The following TMEM117 variants were observed in gnomAD, a reference collection of about 807,000 sequenced individuals.
The protein encoded by TMEM117 is transmembrane protein 117.
A neutral mutation model predicts 52.4 loss-of-function variants in TMEM117; 27 were observed. That is an observed-to-expected ratio of 0.51 (90% CI 0.38 to 0.71). The LOEUF is 0.71. Ranked by LOEUF, TMEM117 falls within the 30% of genes least tolerant of loss-of-function variation. The pLI, the probability that TMEM117 is intolerant of heterozygous loss-of-function variation, is 0.00. For synonymous variants in TMEM117, 215 were observed against 206.3 expected, an observed-to-expected ratio of 1.04 and a Z score of -0.36; for missense variants, 556 against 630.5, an observed-to-expected ratio of 0.88 and a Z score of 1.26.
At chr12:44,167,984 G>A (rs892935631) in intron 4 of TMEM117, among the ~76,000 whole-genome samples, 24 of 152,072 alleles carry the variant, frequency 1.6e-4, no homozygotes, top group African/African-American at 5.6e-4. Flanking sequence ...GGCCAGGCGC[G>A]GTGGCTCACG....
chr12:43,918,824 T>C lies in TMEM117; in HGVS notation c.278-25386T>C, dbSNP rs142678541. On this transcript the variant is annotated intron_variant, in intron 2 of 7. Transcript: ENST00000266534. ...CTGAAAATACTTTCTTCAGTCTCAA[T>C]TGACCATCACATACCAAATCCACTT... Among the ~76,000 whole-genome samples, 208 of 152,354 alleles carry C rather than the reference T, an allele frequency of 1.4e-3. 2 individuals are homozygous for C. Among genetic ancestry groups the C allele is most frequent in the African/African-American group, 4.8e-3 (200 of 41,580 alleles).
intron 5 of TMEM117, among the ~76,000 whole-genome samples, chr12:44,215,324 A>G (rs1592613021): frequency 1.3e-5 from 2 of 152,134 alleles, no homozygotes; most frequent in African/African-American, 4.8e-5. Flanking sequence ...AATGGTTCCT[A>G]TTTCTTTCTG....
At chr12:43,923,718 G>C (rs1944731690) in intron 2 of TMEM117, among the ~76,000 whole-genome samples, 1 of 152,084 alleles carries the variant, frequency 6.6e-6, no homozygotes, top group Non-Finnish European at 1.5e-5. Context: ...TTTCAAGTTA[G>C]TGTACAATAA....
chr12:44,300,884 C>T (rs1950831012), intron 6 of TMEM117, among the ~76,000 whole-genome samples: 1 of 152,164 alleles, frequency 6.6e-6, no homozygotes, highest in Admixed American at 6.5e-5. Context: ...GGTTCTAGAT[C>T]TGCCTGTCAC....
intron 3 of TMEM117, among the ~76,000 whole-genome samples, chr12:44,059,080 G>A (rs999330846): frequency 6.6e-6 from 1 of 152,110 alleles, no homozygotes; most frequent in African/African-American, 2.4e-5. Flanking sequence ...TCACAATGGG[G>A]TTCATGCTCC....
chr12:43,976,635 T>C (rs7302394), intron 3 of TMEM117, among the ~76,000 whole-genome samples: 148,468 of 152,248 alleles, frequency 0.98, 72,448 homozygotes, highest in East Asian at 1. Flanking sequence ...GAACAGCTGC[T>C]TTCAGCTCAT....
At chr12:44,309,887 A>G (rs897418582) in intron 6 of TMEM117, among the ~76,000 whole-genome samples, 2 of 152,180 alleles carry the variant, frequency 1.3e-5, no homozygotes, top group Non-Finnish European at 2.9e-5. Flanking sequence ...ACAAAGTTGA[A>G]AACAAAGCAC....
chr12:44,012,655 A>T (rs1049882409), intron 3 of TMEM117, among the ~76,000 whole-genome samples: 7 of 152,036 alleles, frequency 4.6e-5, no homozygotes, highest in African/African-American at 1.2e-4. Flanking sequence ...TGTAGCATTT[A>T]AAAAAAATCC....
chr12:44,026,314 T>C (rs1391866622), intron 3 of TMEM117, among the ~76,000 whole-genome samples: 1 of 152,216 alleles, frequency 6.6e-6, no homozygotes, highest in African/African-American at 2.4e-5. Flanking sequence ...GCCACATTTT[T>C]TTCTGTCTTT....
chr12:43,856,607 C>G (rs191994249), intron 2 of TMEM117, among the ~76,000 whole-genome samples: 99 of 152,236 alleles, frequency 6.5e-4, no homozygotes, highest in African/African-American at 2.2e-3. Context: ...TAAATGAAAA[C>G]ATACAGTATA....
At chr12:44,396,246 C>T in the TMEM117 span, among the ~76,000 whole-genome samples, 45 of 152,106 alleles carry the variant, frequency 3.0e-4, no homozygotes, top group East Asian at 5.8e-4. Context: ...GTTTGGAATC[C>T]GCTTTTCCAC....
intron 4 of TMEM117, among the ~76,000 whole-genome samples, chr12:44,203,742 A>G (rs747263466): frequency 3.9e-5 from 6 of 152,150 alleles, no homozygotes; most frequent in Non-Finnish European, 5.9e-5. Flanking sequence ...TTTAAGTTTC[A>G]TTTAATTGTA....
chr12:44,325,542 T>C (rs1951183903), intron 6 of TMEM117, among the ~76,000 whole-genome samples: 1 of 150,700 alleles, frequency 6.6e-6, no homozygotes, highest in Non-Finnish European at 1.5e-5. Context: ...ATTCTTTTTG[T>C]GAATTGGTTG....
At chr12:44,090,539 C>A (rs1433629118) in intron 3 of TMEM117, among the ~76,000 whole-genome samples, 1 of 151,876 alleles carries the variant, frequency 6.6e-6, no homozygotes, top group East Asian at 1.9e-4. Context: ...CGGGCTCAGG[C>A]AGTTCTACTG....
At chr12:43,909,719 T>C (rs1944461147) in intron 2 of TMEM117, among the ~76,000 whole-genome samples, 1 of 151,508 alleles carries the variant, frequency 6.6e-6, no homozygotes, top group Non-Finnish European at 1.5e-5. Flanking sequence ...CAAACACCTC[T>C]ACGCAAATAA....
At chr12:44,254,814 C>T (rs920796620) in intron 5 of TMEM117, among the ~76,000 whole-genome samples, 1 of 152,064 alleles carries the variant, frequency 6.6e-6, no homozygotes, top group South Asian at 2.1e-4. Flanking sequence ...CCCTCTCCCC[C>T]CACCCCACAA....
chr12:44,323,148 G>A (rs76585271), intron 6 of TMEM117, among the ~76,000 whole-genome samples: 7,308 of 152,148 alleles, frequency 0.048, 360 homozygotes, highest in African/African-American at 0.12. Context: ...AGGCAAAGAA[G>A]CACATTCTTC....
rs549555369 is a variant in TMEM117, at chr12:44,195,297, T to G, written c.511-15993T>G. Among the ~76,000 whole-genome samples the G allele has an allele frequency of 4.2e-4, 64 of 152,344 alleles. 1 individual carries two copies. The South Asian group carries it at 0.013, about 30-fold the overall frequency. ...ATGGCCCTGGCCACCTTAGGTCTTT[T>G]CAAATTGTCTATTCCATGTCAGCAA... On this transcript the variant is annotated intron_variant, in intron 4 of 7. Transcript: ENST00000266534.
chr12:44,299,928 G>T (rs1359952910), intron 6 of TMEM117, among the ~76,000 whole-genome samples, 189 bp downstream of exon 6: 1 of 152,072 alleles, frequency 6.6e-6, no homozygotes, highest in Non-Finnish European at 1.5e-5. Context: ...TTTTATAAGA[G>T]GGGCACCAAA....
Sources: allele counts gnomAD v4.1 joint callset (sites outside exome capture counted in the v4.1 genomes callset), GRCh38; gene constraint gnomAD v4.1.1; transcripts MANE v1.5; gene names NCBI Gene and HGNC (gene_info 2026-07-23, HGNC 2026-07-21).